CYTH1: variants seen among roughly 807,000 people sequenced by gnomAD.
The protein encoded by CYTH1 is cytohesin-1.
CYTH1 carries 18 observed loss-of-function variants against 61.8 expected under a neutral mutation model. The ratio of observed to expected loss-of-function variants is 0.29; its 90% CI spans 0.20 to 0.43. The LOEUF is 0.43. Ranked by LOEUF, CYTH1 falls within the 20% of genes least tolerant of loss-of-function variation. The pLI, the probability that CYTH1 is intolerant of heterozygous loss-of-function variation, is 1.00. For synonymous variants in CYTH1, 174 were observed against 184.3 expected (o/e 0.94, Z 0.45); for missense variants, 336 against 510.5 (o/e 0.66, Z 3.29).
At position 78,772,996 on chromosome 17, in the gene CYTH1, A is replaced by AT. The variant is rs935842030; in HGVS notation, c.22+9205dup. Among the ~76,000 whole-genome samples, 450 of 151,498 alleles carry AT rather than the reference A, an allele frequency of 3.0e-3. 2 individuals are homozygous for AT. The highest frequency in any genetic ancestry group is 0.01 in the African/African-American group (416 of 41,340). On this transcript the variant is annotated intron_variant, in intron 1 of 13. Transcript: ENST00000446868. ...AGGCAGGCACCACCACACCCGGCTAATTTTTTTTTGTATTTTAGTAGAGAT... is the reference window on the plus strand; with the variant it reads ...AGGCAGGCACCACCACACCCGGCTAATTTTTTTTTTGTATTTTAGTAGAGAT...
chr17:78,749,296 C>A (rs2093370521), intron 1 of CYTH1, among the ~76,000 whole-genome samples: 2 of 152,018 alleles, frequency 1.3e-5, no homozygotes, highest in Non-Finnish European at 2.9e-5. Context: ...CCCGTCTCCA[C>A]TAAAAATATA....
intron 1 of CYTH1, among the ~76,000 whole-genome samples, chr17:78,711,188 G>A (rs1389784605): frequency 6.6e-6 from 1 of 151,564 alleles, no homozygotes; most frequent in Non-Finnish European, 1.5e-5. Flanking sequence ...CGTAAACCCG[G>A]GAGGTGGAGG....
chr17:78,762,293 C>A (rs138504816), intron 1 of CYTH1, among the ~76,000 whole-genome samples: 1 of 152,126 alleles, frequency 6.6e-6, no homozygotes, highest in East Asian at 1.9e-4. Context: ...GTGGAAAGGG[C>A]GGCTTTTTTG....
intron 10 of CYTH1, among the ~76,000 whole-genome samples, chr17:78,694,797 A>G (rs1476315134): frequency 6.6e-6 from 1 of 152,232 alleles, no homozygotes; most frequent in East Asian, 1.9e-4. Context: ...TCTCTGCCTG[A>G]TTACAAAAGC....
intron 1 of CYTH1, among the ~76,000 whole-genome samples, chr17:78,719,217 A>G (rs1376609575): frequency 3.9e-5 from 6 of 152,224 alleles, no homozygotes; most frequent in African/African-American, 1.4e-4. Flanking sequence ...ACCCTGGGCA[A>G]GTTACTTCGG....
At chr17:78,761,830 A>C (rs750254636) in intron 1 of CYTH1, among the ~76,000 whole-genome samples, 23 of 152,264 alleles carry the variant, frequency 1.5e-4, no homozygotes, top group Admixed American at 4.6e-4. Context: ...TATACGTTTG[A>C]GAAAACAGTA....
chr17:78,771,660 G>C (rs2093471727), intron 1 of CYTH1, among the ~76,000 whole-genome samples: 1 of 151,414 alleles, frequency 6.6e-6, no homozygotes, highest in Non-Finnish European at 1.5e-5. Context: ...GAACCAGGGA[G>C]TTGGAGGTTG....
chr17:78,696,900 T>C (rs2092944563), intron 9 of CYTH1: 1 of 152,192 alleles, frequency 6.6e-6, no homozygotes, highest in Non-Finnish European at 1.5e-5. Flanking sequence ...TCCATCCACT[T>C]GGCAATAGGA....
chr17:78,683,252 C>T (rs547196359), intron 11 of CYTH1, among the ~76,000 whole-genome samples: 34 of 152,250 alleles, frequency 2.2e-4, no homozygotes, highest in South Asian at 1.0e-3. Flanking sequence ...CCTTCTTCTT[C>T]CTGGACCCCT....
chr17:78,776,977 T>A (rs145655012), intron 1 of CYTH1, among the ~76,000 whole-genome samples: 1 of 151,532 alleles, frequency 6.6e-6, no homozygotes, highest in Non-Finnish European at 1.5e-5. Flanking sequence ...AATACAAAAT[T>A]AGCCAGGCGT....
chr17:78,763,487 C>G (rs2093436717), intron 1 of CYTH1, among the ~76,000 whole-genome samples: 1 of 151,996 alleles, frequency 6.6e-6, no homozygotes, highest in South Asian at 2.1e-4. Context: ...GATGCCTAGA[C>G]CACAAATAGT....
chr17:78,684,616 G>A (rs2092797546), intron 11 of CYTH1, among the ~76,000 whole-genome samples: 2 of 152,154 alleles, frequency 1.3e-5, no homozygotes, highest in Non-Finnish European at 2.9e-5. Context: ...ACAGGTGAAA[G>A]GTTTAAAAAT....
intron 1 of CYTH1, among the ~76,000 whole-genome samples, chr17:78,733,709 A>G (rs926680868): frequency 1.3e-5 from 2 of 152,268 alleles, no homozygotes. Flanking sequence ...CCAACCTGTG[A>G]GCCAGAACTT....
intron 1 of CYTH1, among the ~76,000 whole-genome samples, chr17:78,753,171 A>G (rs958399499): frequency 2.6e-5 from 4 of 152,118 alleles, no homozygotes; most frequent in African/African-American, 9.7e-5. Flanking sequence ...CTGTCAATAA[A>G]TGGTCAGGCT....
In CYTH1 at chr17:78,760,556, T is replaced by C. The variant is rs1267341866; in HGVS notation, c.22+21646A>G. Among the ~76,000 whole-genome samples, 2 of 28,470 alleles carry C rather than the reference T, an allele frequency of 7.0e-5. 1 individual carries two copies. The highest frequency in any genetic ancestry group is 1.6e-4 in the Non-Finnish European group (2 of 12,168). The allele number at this position is 28,470 out of a possible 152,430, so 18.7% of individuals were successfully genotyped here. ...ACATACATATATATGTATATATATATGTATATATATATACACATACATATA... is the reference window on the plus strand; with the variant it reads ...ACATACATATATATGTATATATATACGTATATATATATACACATACATATA... On this transcript the variant is annotated intron_variant, in intron 1 of 13. Coordinates refer to ENST00000446868, the MANE Select transcript of CYTH1 (RefSeq NM_004762.6).
chr17:78,689,651 A>G (rs893203965), intron 11 of CYTH1, among the ~76,000 whole-genome samples: 10 of 151,962 alleles, frequency 6.6e-5, no homozygotes, highest in African/African-American at 2.4e-4. Flanking sequence ...GAGGTTGAGG[A>G]CCCCTGTATT....
At chr17:78,756,694 T>C (rs1024189983) in intron 1 of CYTH1, among the ~76,000 whole-genome samples, 9 of 152,124 alleles carry the variant, frequency 5.9e-5, no homozygotes, top group African/African-American at 1.9e-4. Context: ...TTAACACATT[T>C]TGGGGACACA....
intron 1 of CYTH1, among the ~76,000 whole-genome samples, chr17:78,722,458 C>G (rs1159401685): frequency 6.6e-6 from 1 of 152,178 alleles, no homozygotes; most frequent in African/African-American, 2.4e-5. Context: ...CCCTCTTCCT[C>G]CAAACAAGCC....
intron 1 of CYTH1, among the ~76,000 whole-genome samples, chr17:78,749,405 A>G (rs901004762): frequency 6.6e-6 from 1 of 152,198 alleles, no homozygotes; most frequent in Non-Finnish European, 1.5e-5. Context: ...GGTTGCAGTG[A>G]GCAGAGATTG....
Sources: allele counts gnomAD v4.1 joint callset (sites outside exome capture counted in the v4.1 genomes callset), GRCh38; gene constraint gnomAD v4.1.1; transcripts MANE v1.5; gene names NCBI Gene and HGNC (gene_info 2026-07-23, HGNC 2026-07-21).